The following RBFOX3 variants were observed in gnomAD, a reference collection of about 807,000 sequenced individuals.
The protein encoded by RBFOX3 is RNA binding fox-1 homolog 3.
In RBFOX3, 17 loss-of-function variants were observed where a neutral mutation model predicts 48.7. That is an observed-to-expected ratio of 0.35 (90% CI 0.24 to 0.52). RBFOX3 has a LOEUF of 0.52. RBFOX3 is among the 20% of genes least tolerant of loss of function. The pLI is 0.94. For missense variants in RBFOX3, 382 were observed against 497.5 expected (o/e 0.77, Z 2.21); for synonymous variants, 212 against 209.5 (o/e 1.01, Z -0.10).
At chr17:79,309,675 C>G (rs1370303253) in intron 2 of RBFOX3, among the ~76,000 whole-genome samples, 2 of 152,168 alleles carry the variant, frequency 1.3e-5, no homozygotes, top group Non-Finnish European at 2.9e-5. Flanking sequence ...ATTGTAATCC[C>G]CATGTGTTGA....
intron 4 of RBFOX3, among the ~76,000 whole-genome samples, chr17:79,152,619 G>A (rs1454282352): frequency 6.6e-6 from 1 of 152,246 alleles, no homozygotes; most frequent in Non-Finnish European, 1.5e-5. Flanking sequence ...CTGGGAGCTG[G>A]GAGAGGTGGA....
At chr17:79,208,297 C>T (rs2057805555) in intron 4 of RBFOX3, among the ~76,000 whole-genome samples, 1 of 152,240 alleles carries the variant, frequency 6.6e-6, no homozygotes, top group Non-Finnish European at 1.5e-5. Flanking sequence ...GTCACACACA[C>T]ACCCGGCCAG....
intron 4 of RBFOX3, among the ~76,000 whole-genome samples, chr17:79,129,075 AGGGGCTGACC>A (rs1410456608): frequency 2.0e-5 from 3 of 152,150 alleles, no homozygotes; most frequent in Admixed American, 1.3e-4. Context: ...CTGAGTCCCC[AGGGGCTGACC>A]CGGTTCAGGC....
At chr17:79,602,988 CTTTT>C (rs35479641) in intron 1 of RBFOX3, among the ~76,000 whole-genome samples, 98 of 99,154 alleles carry the variant, frequency 9.9e-4, no homozygotes, top group African/African-American at 2.9e-3. Context: ...TTGAGCTACC[CTTTT>C]TTTTTTTTTT....
chr17:79,605,453 G>A (rs1359674798), intron 1 of RBFOX3, among the ~76,000 whole-genome samples: 2 of 152,210 alleles, frequency 1.3e-5, no homozygotes, highest in South Asian at 2.1e-4. Flanking sequence ...ACAGCCCAGC[G>A]TTCAAGGCAG....
rs192097019 is a variant in RBFOX3, at chr17:79,311,699, G to A, written c.-174-3875C>T. ...TCTCGCAGGTTGGGCTCCTGGAGCT[G>A]ACTCTGTCCATCAACAGAACCAGAC... On this transcript the variant is annotated intron_variant, in intron 2 of 14. Transcript: ENST00000693108. This position sits in a 1 kb window ranked among gnomAD's most constrained non-coding sequence, Gnocchi z 4.2. Among the ~76,000 whole-genome samples the A allele has an allele frequency of 6.6e-6, 1 of 152,158 alleles. No homozygotes were observed. The highest frequency in any genetic ancestry group is 1.5e-5 in the Non-Finnish European group (1 of 68,026).
intron 1 of RBFOX3, among the ~76,000 whole-genome samples, chr17:79,483,811 G>A (rs989764761): frequency 6.6e-6 from 1 of 152,116 alleles, no homozygotes; most frequent in East Asian, 1.9e-4. Context: ...ACCCACAAAA[G>A]TTACTCCCCC....
At chr17:79,151,914 G>A (rs111392376) in intron 4 of RBFOX3, among the ~76,000 whole-genome samples, 1 of 55,116 alleles carries the variant, frequency 1.8e-5, no homozygotes, top group Non-Finnish European at 4.6e-5. Context: ...AGGAGGGGAG[G>A]CGAGGATGGG....
At chr17:79,472,099 G>C (rs2077132042) in intron 2 of RBFOX3, among the ~76,000 whole-genome samples, 1 of 152,154 alleles carries the variant, frequency 6.6e-6, no homozygotes. Context: ...TGCAGGACCA[G>C]AGGGCAGGAA....
intron 4 of RBFOX3, among the ~76,000 whole-genome samples, chr17:79,130,551 C>T (rs186180178): frequency 3.9e-5 from 6 of 152,370 alleles, no homozygotes; most frequent in Admixed American, 1.3e-4. Flanking sequence ...AGGTCCACAG[C>T]TTCTCATTTC....
At chr17:79,538,695 G>A (rs576154137) in intron 1 of RBFOX3, among the ~76,000 whole-genome samples, 5 of 152,286 alleles carry the variant, frequency 3.3e-5, no homozygotes, top group African/African-American at 1.2e-4. Context: ...GGATGAGATC[G>A]GCAGGAAACA....
intron 2 of RBFOX3, among the ~76,000 whole-genome samples, chr17:79,385,113 C>A (rs1461157123): frequency 6.6e-6 from 1 of 152,172 alleles, no homozygotes; most frequent in Non-Finnish European, 1.5e-5. Flanking sequence ...CTTGGGCCCA[C>A]CTGCCACAAA....
chr17:79,352,731 G>A (rs960671755), intron 2 of RBFOX3, among the ~76,000 whole-genome samples: 1 of 152,206 alleles, frequency 6.6e-6, no homozygotes, highest in African/African-American at 2.4e-5. Flanking sequence ...GGTGCACAAT[G>A]AGGCATGGGT....
intron 2 of RBFOX3, among the ~76,000 whole-genome samples, chr17:79,360,326 G>A (rs985890368): frequency 3.3e-5 from 5 of 152,060 alleles, no homozygotes; most frequent in Non-Finnish European, 7.4e-5. Flanking sequence ...TGGGCCTGCA[G>A]GGAACCAAGG....
At chr17:79,257,890 C>T (rs1273480614) in intron 3 of RBFOX3, among the ~76,000 whole-genome samples, 1 of 151,902 alleles carries the variant, frequency 6.6e-6, no homozygotes, top group Non-Finnish European at 1.5e-5. Flanking sequence ...CTGTCCTTTG[C>T]TTTTGTTTTG....
upstream of RBFOX3, among the ~76,000 whole-genome samples, chr17:79,613,639 T>C (rs896975291): frequency 3.3e-5 from 5 of 152,200 alleles, no homozygotes; most frequent in African/African-American, 1.2e-4. Flanking sequence ...AGAGCTAATT[T>C]CGTGCCCTCT....
intron 2 of RBFOX3, among the ~76,000 whole-genome samples, chr17:79,400,852 C>T (rs2062709753): frequency 6.6e-6 from 1 of 152,160 alleles, no homozygotes; most frequent in African/African-American, 2.4e-5. Context: ...AACCGAAGTC[C>T]CCACACTCTC....
chr17:79,364,434 G>A lies in RBFOX3; in HGVS notation c.-174-56610C>T, dbSNP rs906242307. Among the ~76,000 whole-genome samples the A allele has an allele frequency of 1.3e-5, 2 of 152,202 alleles. No homozygotes were observed. Among genetic ancestry groups the A allele is most frequent in the African/African-American group, 2.4e-5 (1 of 41,444 alleles). ...GATGCAGGTGGACTCTGAACTCTGCGAGGAAAGAGATGCTCTCTGCAGCTG... is the reference window on the plus strand; with the variant it reads ...GATGCAGGTGGACTCTGAACTCTGCAAGGAAAGAGATGCTCTCTGCAGCTG... On this transcript the variant is annotated intron_variant, in intron 2 of 14. Coordinates refer to ENST00000693108, the MANE Select transcript of RBFOX3 (RefSeq NM_001350451.2). This position sits in a 1 kb window ranked among gnomAD's most constrained non-coding sequence, Gnocchi z 5.1.
intron 4 of RBFOX3, among the ~76,000 whole-genome samples, chr17:79,129,588 TG>T (rs2038277822): frequency 6.6e-6 from 1 of 152,216 alleles, no homozygotes; most frequent in African/African-American, 2.4e-5. Context: ...CCCACCTCTG[TG>T]CTTGACACTG....
Sources: gnomAD v4.1 joint callset for allele counts (sites outside exome capture counted in the v4.1 genomes callset) on GRCh38, gnomAD v4.1.1 for gene constraint, Gnocchi (gnomAD v3.1) non-coding constraint, MANE v1.5 for transcripts, NCBI Gene and HGNC (gene_info 2026-07-23, HGNC 2026-07-21) for gene names.